TRAF3IP2: variants seen among roughly 807,000 people sequenced by gnomAD.
TRAF3IP2 encodes the protein E3 ubiquitin ligase TRAF3IP2.
TRAF3IP2 carries 35 observed loss-of-function variants against 57.9 expected under a neutral mutation model. The ratio of observed to expected loss-of-function variants is 0.60; its 90% CI spans 0.46 to 0.80. TRAF3IP2 has a LOEUF of 0.80. TRAF3IP2 is among the 30% of genes least tolerant of loss of function. TRAF3IP2 has a pLI of 0.00. For synonymous variants in TRAF3IP2, 251 were observed against 268.9 expected, an observed-to-expected ratio of 0.93 and a Z score of 0.65; for missense variants, 556 against 706.4, an observed-to-expected ratio of 0.79 and a Z score of 2.41.
At chr6:111,581,021 A>C (rs1487625366) in intron 2 of TRAF3IP2, among the ~76,000 whole-genome samples, 1 of 152,216 alleles carries the variant, frequency 6.6e-6, no homozygotes, top group Non-Finnish European at 1.5e-5. Context: ...CTGCTTGAAG[A>C]GGGCTGGGCT....
In TRAF3IP2 at chr6:111,566,559, TTC is replaced by T; in HGVS notation, c.1360-1_1360del. 1 of 1,613,754 alleles carries T rather than the reference TTC, an allele frequency of 6.2e-7. No individual in the cohort carries two copies. Among genetic ancestry groups the T allele is most frequent in the Non-Finnish European group, 8.5e-7 (1 of 1,179,612 alleles). On this transcript the variant is annotated splice_acceptor_variant and coding_sequence_variant, in exon 7 of 9. Coordinates refer to ENST00000368761, the MANE Select transcript of TRAF3IP2 (RefSeq NM_147686.4). LOFTEE classifies it high-confidence loss of function. ...GATTGCTACGATTATCATCACGGTC[TTC>T]TGTTAATGAGAGGGAGAAAGGCATG...
rs185203939 is a variant in TRAF3IP2, at chr6:111,577,886, A to G, written c.1023-2065T>C. Among the ~76,000 whole-genome samples, 233 of 151,288 alleles carry G rather than the reference A, an allele frequency of 1.5e-3. 2 individuals carry two copies. The highest frequency in any genetic ancestry group is 5.1e-3 in the African/African-American group (209 of 41,188). On this transcript the variant is annotated intron_variant, in intron 3 of 8. Transcript: ENST00000368761. The stretch of plus-strand genomic sequence containing the variant: ...GCCACCACACCCGGCTAATTTTTGT[A>G]TTTTTTTGTAGAGATGGGTTTTCGC...
At chr6:111,567,444 G>C in intron 6 of TRAF3IP2, 180 bp downstream of exon 6, 1 of 1,323,086 alleles carries the variant, frequency 7.6e-7, no homozygotes. Flanking sequence ...GCATGTCCAA[G>C]AGGGCGACTC....
intron 8 of TRAF3IP2, among the ~76,000 whole-genome samples, chr6:111,560,860 G>A (rs1795408400): frequency 6.6e-6 from 1 of 152,112 alleles, no homozygotes; most frequent in Non-Finnish European, 1.5e-5. Context: ...CTTAAGAAAG[G>A]GACAATGAAA....
At chr6:111,562,493 G>A (rs187411956) in intron 8 of TRAF3IP2, among the ~76,000 whole-genome samples, 7 of 152,254 alleles carry the variant, frequency 4.6e-5, no homozygotes, top group Admixed American at 3.3e-4. Flanking sequence ...TCATACTGCT[G>A]AACTGAGTGG....
chr6:111,576,073 ATTTG>A (rs1350519809), intron 3 of TRAF3IP2, among the ~76,000 whole-genome samples: 1 of 152,188 alleles, frequency 6.6e-6, no homozygotes, highest in Admixed American at 6.5e-5. Context: ...TCTATTCAAG[ATTTG>A]TTTAATTGGA....
At chr6:111,601,079 G>T in intron 1 of TRAF3IP2, 1 of 597,984 alleles carries the variant, frequency 1.7e-6, no homozygotes. Flanking sequence ...GCACTTAACC[G>T]CTTGCATCTC....
intron 1 of TRAF3IP2, among the ~76,000 whole-genome samples, chr6:111,603,084 GCACACACACACA>G (rs3066041): frequency 6.7e-6 from 1 of 149,858 alleles, no homozygotes; most frequent in Non-Finnish European, 1.5e-5. Context: ...CACAAGGTGT[GCACACACACACA>G]CACACACACA....
intron 1 of TRAF3IP2, among the ~76,000 whole-genome samples, chr6:111,597,641 A>T (rs559617546): frequency 6.6e-6 from 1 of 152,318 alleles, no homozygotes; most frequent in Middle Eastern, 3.4e-3. Flanking sequence ...GTATCTCACC[A>T]TTGTATTTTT....
rs1796515226 is a variant in TRAF3IP2, at chr6:111,591,543, G to A, written c.544C>T (p.Gln182Ter). The A allele has an allele frequency of 6.2e-7, 1 of 1,614,094 alleles. No individual in the cohort carries two copies. The highest frequency in any genetic ancestry group is 1.7e-5 in the Admixed American group (1 of 60,008). ...GGSQEMVQRP[Q>*]PHRNRAGLDL... ...AGGCCTGCTCGGTTCCTGTGAGGCT[G>A]GGGCCGTTGCACCATCTCCTGGCTA... Residue 182 changes from glutamine (Q) to a stop codon, truncating the protein, a stop_gained, in exon 2 of 9, where the codon CAG becomes TAG. Coordinates refer to ENST00000368761, the MANE Select transcript of TRAF3IP2 (RefSeq NM_147686.4). LOFTEE classifies it high-confidence loss of function. This position sits in a 1 kb window ranked among gnomAD's most constrained non-coding sequence, Gnocchi z 4.9.
chr6:111,597,762 A>C (rs998173355), intron 1 of TRAF3IP2: 3 of 447,118 alleles, frequency 6.7e-6, no homozygotes, highest in African/African-American at 6.0e-5. Flanking sequence ...AACTGGATGG[A>C]ACAGCTGTGC....
intron 1 of TRAF3IP2, chr6:111,598,103 T>C (rs2128385288): frequency 2.9e-6 from 1 of 347,916 alleles, no homozygotes; most frequent in South Asian, 2.2e-5. Flanking sequence ...GGAGAGTTCC[T>C]GGCTCAGAAC....
intron 4 of TRAF3IP2, among the ~76,000 whole-genome samples, chr6:111,573,319 T>C (rs1262243960): frequency 6.6e-6 from 1 of 152,150 alleles, no homozygotes; most frequent in African/African-American, 2.4e-5. Flanking sequence ...ACTAGTTTCT[T>C]AGAGACACTT....
intron 5 of TRAF3IP2, among the ~76,000 whole-genome samples, chr6:111,571,993 T>C (rs1335867919): frequency 6.6e-6 from 1 of 152,162 alleles, no homozygotes; most frequent in African/African-American, 2.4e-5. Flanking sequence ...TAAATAACTT[T>C]TAAAATTGAT....
intron 1 of TRAF3IP2, among the ~76,000 whole-genome samples, chr6:111,604,489 C>T (rs1733780201): frequency 6.6e-6 from 1 of 152,242 alleles, no homozygotes; most frequent in African/African-American, 2.4e-5. Context: ...GACAATAGCA[C>T]AGACTATCCT....
intron 3 of TRAF3IP2, among the ~76,000 whole-genome samples, chr6:111,579,316 CAAAAAAAAAAAAA>C (rs529040872): frequency 1.0e-4 from 7 of 69,830 alleles, no homozygotes; most frequent in Admixed American, 3.9e-4. Flanking sequence ...GGCTCCATCT[CAAAAAAAAAAAAA>C]AAAAAAAAAA....
chr6:111,564,571 A>G (rs1174606741), intron 7 of TRAF3IP2, among the ~76,000 whole-genome samples: 1 of 152,174 alleles, frequency 6.6e-6, no homozygotes, highest in African/African-American at 2.4e-5. Context: ...GTCATGGCCA[A>G]GTTCTTGTTG....
At chr6:111,565,057 G>C (rs1234053461) in intron 7 of TRAF3IP2, among the ~76,000 whole-genome samples, 1 of 152,192 alleles carries the variant, frequency 6.6e-6, no homozygotes, top group African/African-American at 2.4e-5. Context: ...GTTGAGACCA[G>C]AAGAGGAGGG....
intron 7 of TRAF3IP2, among the ~76,000 whole-genome samples, chr6:111,564,567 G>A (rs1375698272): frequency 6.6e-6 from 1 of 152,184 alleles, no homozygotes; most frequent in African/African-American, 2.4e-5. Context: ...CTCTGTCATG[G>A]CCAAGTTCTT....
Sources: gnomAD v4.1 joint callset for allele counts (sites outside exome capture counted in the v4.1 genomes callset) on GRCh38, gnomAD v4.1.1 for gene constraint, Gnocchi (gnomAD v3.1) non-coding constraint, MANE v1.5 for transcripts, NCBI Gene and HGNC (gene_info 2026-07-23, HGNC 2026-07-21) for gene names.